Variants in SCUBE1 observed in about 807,000 individuals in gnomAD.
The protein encoded by SCUBE1 is signal peptide, CUB domain and EGF like domain containing 1.
In SCUBE1, 59 loss-of-function variants were observed where a neutral mutation model predicts 124.4. The observed-to-expected ratio is 0.47, with a 90% CI of 0.38 to 0.59. The LOEUF (loss-of-function observed/expected upper bound fraction) is 0.59, where lower values mean the gene tolerates loss of function less well. Among genes scored for constraint, SCUBE1 ranks in the 20% least tolerant of loss-of-function variants. The pLI is 0.00. For synonymous variants in SCUBE1, 545 were observed against 550.9 expected, an observed-to-expected ratio of 0.99 and a Z score of 0.15; for missense variants, 1,150 against 1,371.2, an observed-to-expected ratio of 0.84 and a Z score of 2.55.
chr22:43,263,368 G>T (rs1002108014), intron 4 of SCUBE1, among the ~76,000 whole-genome samples: 1 of 152,188 alleles, frequency 6.6e-6, no homozygotes, highest in Non-Finnish European at 1.5e-5. Flanking sequence ...GAGGTCAGGG[G>T]TCAAGTGAGA....
At chr22:43,332,556 G>T (rs538069974) in intron 2 of SCUBE1, among the ~76,000 whole-genome samples, 38 of 152,266 alleles carry the variant, frequency 2.5e-4, no homozygotes, top group African/African-American at 8.2e-4. Flanking sequence ...GGACCCCTTG[G>T]CTGGTGGGGG....
rs1923761537 is a variant in SCUBE1 at position 43,258,743 on chromosome 22, C to T, written c.611-408G>A. ...ACTTGTCAAGCTGTCGGGGGAGGGACATGGCGGCCCGTGGTTCCAGGTGAC... is the reference window on the plus strand; with the variant it reads ...ACTTGTCAAGCTGTCGGGGGAGGGATATGGCGGCCCGTGGTTCCAGGTGAC... On this transcript the variant is annotated intron_variant, in intron 5 of 21. Coordinates refer to ENST00000360835, the MANE Select transcript of SCUBE1 (RefSeq NM_173050.5). The surrounding 1 kb of genome is among the most constrained non-coding windows in gnomAD (Gnocchi z 5.0). Among the ~76,000 whole-genome samples, 1 of 152,202 alleles carries T rather than the reference C, an allele frequency of 6.6e-6. No individual in the cohort carries two copies. The highest frequency in any genetic ancestry group is 1.5e-5 in the Non-Finnish European group (1 of 68,044).
At chr22:43,247,757 G>A (rs1022413984) in intron 6 of SCUBE1, among the ~76,000 whole-genome samples, 3 of 152,242 alleles carry the variant, frequency 2.0e-5, no homozygotes, top group African/African-American at 7.2e-5. Context: ...GGGAGCCAGC[G>A]GGCAGGGTGG....
At chr22:43,304,000 T>A (rs6003146) in intron 3 of SCUBE1, among the ~76,000 whole-genome samples, 6 of 152,284 alleles carry the variant, frequency 3.9e-5, no homozygotes, top group Non-Finnish European at 1.5e-5. Flanking sequence ...TCCTCTTCCA[T>A]GCCCTCGTGC....
In SCUBE1 at chr22:43,226,427, G is replaced by A. The variant is rs555178770; in HGVS notation, c.1207+947C>T. On this transcript the variant is annotated intron_variant, in intron 10 of 21. Coordinates refer to ENST00000360835, the MANE Select transcript of SCUBE1 (RefSeq NM_173050.5). Reference sequence around the variant, plus strand: ...AGGGAGGAGTGAGGAGTGCTGGTGTGGGGGGGCCCTCCAGGCCAAGAGAAG... The same window carrying A: ...AGGGAGGAGTGAGGAGTGCTGGTGTAGGGGGGCCCTCCAGGCCAAGAGAAG... Among the ~76,000 whole-genome samples the A allele has an allele frequency of 2.5e-4, 21 of 84,798 alleles. No homozygotes were observed. The East Asian group carries it at 0.011, about 43-fold the overall frequency. 55.6% of individuals were successfully genotyped at this position (84,798 alleles called of 152,430 possible). A position where few individuals can be genotyped will look rare whatever the true frequency, so the allele number is the denominator to read the frequency against.
chr22:43,214,048 C>T, intron 16 of SCUBE1, 42 bp downstream of exon 16: 2 of 227,742 alleles, frequency 8.8e-6, no homozygotes, highest in Non-Finnish European at 1.8e-5. Context: ...GGAGCCCCCG[C>T]CCACCCCCCA....
chr22:43,336,957 C>CTGTG (rs34868094), intron 2 of SCUBE1, among the ~76,000 whole-genome samples: 5,513 of 150,402 alleles, frequency 0.037, 340 homozygotes, highest in African/African-American at 0.13. Context: ...GTGTGTATGT[C>CTGTG]TGTGTGTGTG....
intron 1 of SCUBE1, among the ~76,000 whole-genome samples, chr22:43,339,808 A>C (rs1056508373): frequency 1.1e-4 from 5 of 46,244 alleles, no homozygotes; most frequent in Non-Finnish European, 1.8e-4. Flanking sequence ...ACCCTCCCCC[A>C]CTCTCCTCAT....
At chr22:43,230,997 G>A (rs1393416105) in intron 8 of SCUBE1, among the ~76,000 whole-genome samples, 1 of 152,166 alleles carries the variant, frequency 6.6e-6, no homozygotes, top group Non-Finnish European at 1.5e-5. Flanking sequence ...TAATCGTCAG[G>A]GAAAGACAGC....
At position 43,252,941 on chromosome 22, in the gene SCUBE1, G is replaced by A. The variant is rs141111241; in HGVS notation, c.727+5278C>T. Reference sequence around the variant, plus strand: ...TACAACATTGGGGCAGGATGGGAACGGTCACCTCCCTACCTAACTCTATAC... The same window carrying A: ...TACAACATTGGGGCAGGATGGGAACAGTCACCTCCCTACCTAACTCTATAC... On this transcript the variant is annotated intron_variant, in intron 6 of 21. Transcript: ENST00000360835. 4.7e-3 allele frequency among the ~76,000 whole-genome samples: 652 copies of A among 139,368 alleles called. 4 individuals are homozygous for A. The highest frequency in any genetic ancestry group is 6.0e-3 in the Non-Finnish European group (399 of 66,034). 91.4% of individuals were successfully genotyped at this position (139,368 alleles called of 152,430 possible). A position where few individuals can be genotyped will look rare whatever the true frequency, so the allele number is the denominator to read the frequency against.
At chr22:43,274,484 C>A (rs915976968) in intron 4 of SCUBE1, among the ~76,000 whole-genome samples, 1 of 152,258 alleles carries the variant, frequency 6.6e-6, no homozygotes, top group Non-Finnish European at 1.5e-5. Context: ...TTAGCTCCTA[C>A]TGCCAGAGAG....
chr22:43,262,672 G>T, intron 5 of SCUBE1, 48 bp downstream of exon 5: 2 of 1,604,512 alleles, frequency 1.2e-6, no homozygotes, highest in South Asian at 1.1e-5. Flanking sequence ...AGAAAGTAAT[G>T]GCAGGAGACG....
chr22:43,234,034 C>T lies in SCUBE1; in HGVS notation c.845-2159G>A, dbSNP rs1057425957. 6.6e-6 allele frequency among the ~76,000 whole-genome samples: 1 copy of T among 152,038 alleles called. No individual in the cohort carries two copies. The highest frequency in any genetic ancestry group is 2.4e-5 in the African/African-American group (1 of 41,388). On this transcript the variant is annotated intron_variant, in intron 7 of 21. Coordinates refer to ENST00000360835, the MANE Select transcript of SCUBE1 (RefSeq NM_173050.5). This position sits in a 1 kb window ranked among gnomAD's most constrained non-coding sequence, Gnocchi z 4.4. ...CGGCTCTCAGCCAGCACCATCCGAA[C>T]CCAAAGACGGGCCTGCTGCAGCACA...
chr22:43,215,883 CTACACACTCACACATGCA>C (rs975513240), intron 15 of SCUBE1, among the ~76,000 whole-genome samples: 4 of 151,428 alleles, frequency 2.6e-5, no homozygotes, highest in African/African-American at 9.8e-5. Context: ...ATGGTGAAGA[CTACACACTCACACATGCA>C]TGCACACTCA....
intron 3 of SCUBE1, among the ~76,000 whole-genome samples, chr22:43,291,742 C>T (rs536283171): frequency 1.3e-5 from 2 of 152,306 alleles, no homozygotes; most frequent in South Asian, 4.1e-4. Context: ...GATGCTAGCT[C>T]ACTCCAACTC....
chr22:43,292,576 C>CACACACACACACACACAA, intron 3 of SCUBE1, among the ~76,000 whole-genome samples: 1 of 151,772 alleles, frequency 6.6e-6, no homozygotes, highest in South Asian at 2.1e-4. Context: ...CACACACACA[C>CACACACACACACACACAA]ACACACACAC....
At chr22:43,305,747 C>T (rs1358754856) in intron 3 of SCUBE1, among the ~76,000 whole-genome samples, 5 of 152,074 alleles carry the variant, frequency 3.3e-5, no homozygotes, top group Non-Finnish European at 7.4e-5. Flanking sequence ...GTGTCTGACC[C>T]CCTGGCGGTC....
chr22:43,229,259 T>A, intron 8 of SCUBE1, 71 bp from the exon 9 acceptor site: 1 of 1,022,364 alleles, frequency 9.8e-7, no homozygotes, highest in East Asian at 2.4e-5. Context: ...GGCCTGTCAC[T>A]CTCAGTCACT....
At chr22:43,281,408 C>CCT (rs1190765632) in intron 4 of SCUBE1, among the ~76,000 whole-genome samples, 1 of 91,020 alleles carries the variant, frequency 1.1e-5, no homozygotes, top group African/African-American at 8.6e-5. Context: ...CCTGTCACCT[C>CCT]CCTCAGCCAT....
Sources: gnomAD v4.1 joint callset for allele counts (sites outside exome capture counted in the v4.1 genomes callset) on GRCh38, gnomAD v4.1.1 for gene constraint, Gnocchi (gnomAD v3.1) non-coding constraint, MANE v1.5 for transcripts, NCBI Gene and HGNC (gene_info 2026-07-23, HGNC 2026-07-21) for gene names.